Variants in S100A3 observed in about 807,000 individuals in gnomAD.
S100A3 encodes the protein protein S100-A3.
Under a neutral mutation model 8.0 loss-of-function variants are expected in S100A3, and 11 were observed. That is an observed-to-expected ratio of 1.37 (90% CI 0.86 to 2.27). The LOEUF (loss-of-function observed/expected upper bound fraction) is 2.27, where lower values mean the gene tolerates loss of function less well. Ranked by LOEUF, S100A3 falls within the 30% of genes most tolerant of loss-of-function variation. The probability of loss-of-function intolerance (pLI) is 0.00; values close to 1 mark genes in which losing one functional copy is unlikely to be tolerated. For missense variants in S100A3, 124 were observed against 127.1 expected (o/e 0.98, Z 0.12); for synonymous variants, 43 against 49.6 (o/e 0.87, Z 0.56).
Position 153,547,946 on chromosome 1 carries a change from C to T in S100A3, c.142-100G>A. 7.6e-7 allele frequency: 1 copy of T among 1,313,052 alleles called. No homozygotes were observed. Among genetic ancestry groups the T allele is most frequent in the Non-Finnish European group, 1.1e-6 (1 of 935,686 alleles). The allele number at this position is 1,313,052 out of a possible 1,614,324, so 81.3% of individuals were successfully genotyped here. On this transcript the variant is annotated intron_variant, in intron 2 of 2. Transcript: ENST00000368713. The surrounding 1 kb of genome is among the most constrained non-coding windows in gnomAD (Gnocchi z 4.0). ...TCCTTCCTCTCCCAAGTGGACCCAC[C>T]CCACCCCAAACTACACCCTTCTGAG...
chr1:153,547,549 T>A lies in S100A3; in HGVS notation c.*133A>T, dbSNP rs1665600034. The A allele has an allele frequency of 1.9e-6, 2 of 1,056,798 alleles. No homozygotes were observed. Among genetic ancestry groups the A allele is most frequent in the South Asian group, 1.7e-5 (1 of 60,202 alleles). 65.5% of individuals were successfully genotyped at this position (1,056,798 alleles called of 1,614,324 possible). On this transcript the variant is annotated 3_prime_UTR_variant, in exon 3 of 3. Transcript: ENST00000368713. This position sits in a 1 kb window ranked among gnomAD's most constrained non-coding sequence, Gnocchi z 4.0. ...GGAGCCCTCACATCTCTGGGCCTCC[T>A]AGGTAAAATGGGTTAACTGATCGCA...
Position 153,548,491 on chromosome 1 carries a change from C to T in S100A3, c.-5-1G>A, listed in dbSNP as rs1665639988. On this transcript the variant is annotated splice_acceptor_variant, in intron 1 of 2. Transcript: ENST00000368713. LOFTEE classifies it low-confidence loss of function (5UTR_SPLICE). Reference sequence around the variant, plus strand: ...TGCTCCAGAGGCCTGGCCATCCTCACTGTCACAGAACAAGGGTGTGGCTCA... The same window carrying T: ...TGCTCCAGAGGCCTGGCCATCCTCATTGTCACAGAACAAGGGTGTGGCTCA... 1 of 1,580,580 alleles carries T rather than the reference C, an allele frequency of 6.3e-7. No homozygotes were observed. Among genetic ancestry groups the T allele is most frequent in the Non-Finnish European group, 8.6e-7 (1 of 1,160,298 alleles).
At position 153,547,505 on chromosome 1, in the gene S100A3, C is replaced by G. The variant is rs73026350; in HGVS notation, c.*177G>C. On this transcript the variant is annotated 3_prime_UTR_variant, in exon 3 of 3. Coordinates refer to ENST00000368713, the MANE Select transcript of S100A3 (RefSeq NM_002960.2). This position sits in a 1 kb window ranked among gnomAD's most constrained non-coding sequence, Gnocchi z 4.0. ...CCCCAGAGTGGCTCTACCCCTCATT[C>G]GCTGGGCATCCTGAGGAAGGAGCCC... 55,971 of 711,658 alleles carry G rather than the reference C, an allele frequency of 0.079. 5,289 individuals are homozygous for G. Among genetic ancestry groups the G allele is most frequent in the African/African-American group, 0.38 (21,349 of 55,530 alleles). The allele number at this position is 711,658 out of a possible 1,614,324, so 44.1% of individuals were successfully genotyped here.
Position 153,547,411 on chromosome 1 carries a change from G to A in S100A3, c.*271C>T. 7.0e-6 allele frequency: 3 copies of A among 428,262 alleles called. No individual in the cohort carries two copies. The highest frequency in any genetic ancestry group is 1.3e-5 in the Non-Finnish European group (3 of 238,486). The allele number at this position is 428,262 out of a possible 1,614,324, so 26.5% of individuals were successfully genotyped here. On this transcript the variant is annotated 3_prime_UTR_variant, in exon 3 of 3. Transcript: ENST00000368713. The surrounding 1 kb of genome is among the most constrained non-coding windows in gnomAD (Gnocchi z 4.0). ...GGTGCACGCTCTGCTGAGCCTCGAG[G>A]GCCTCAGAGCAGATCCCGCCTCCTC...
chr1:153,548,277 C>A, intron 2 of S100A3, 68 bp downstream of exon 2: 1 of 1,595,126 alleles, frequency 6.3e-7, no homozygotes, highest in South Asian at 1.1e-5. Context: ...GTCCCCAGGT[C>A]TCTCTTTGCA....
chr1:153,548,343 AC>A lies in S100A3; in HGVS notation c.141+1del. Reference sequence around the variant, plus strand: ...GAGGGGACGGACACTCTGACTGCTCACCGGGGTCCAGGTGGCCAGCTCCTTC... The same window carrying A: ...GAGGGGACGGACACTCTGACTGCTCACGGGGTCCAGGTGGCCAGCTCCTTC... On this transcript the variant is annotated splice_donor_variant, in intron 2 of 2. Transcript: ENST00000368713. LOFTEE classifies it high-confidence loss of function. The A allele has an allele frequency of 6.2e-7, 1 of 1,613,536 alleles. No homozygotes were observed. Among genetic ancestry groups the A allele is most frequent in the Non-Finnish European group, 8.5e-7 (1 of 1,179,950 alleles).
At position 153,548,471 on chromosome 1, in the gene S100A3, C is replaced by CA. The variant is rs1461976736; in HGVS notation, c.14dup (p.Glu6GlyfsTer44). The CA allele has an allele frequency of 1.3e-6, 2 of 1,596,638 alleles. No homozygotes were observed. Among genetic ancestry groups the CA allele is most frequent in the Non-Finnish European group, 1.7e-6 (2 of 1,168,968 alleles). On this transcript the variant is annotated frameshift_variant, in exon 2 of 3. Coordinates refer to ENST00000368713, the MANE Select transcript of S100A3 (RefSeq NM_002960.2). LOFTEE classifies it high-confidence loss of function. ...ACACGATGGCAGCTACCGCCTGCTC[C>CA]AGAGGCCTGGCCATCCTCACTGTCA...
Position 153,547,390 on chromosome 1 carries a change from C to A in S100A3, c.*292G>T. ...CTTTCCCATCGTGGTCTCATTGGTG[C>A]ACGCTCTGCTGAGCCTCGAGGGCCT... On this transcript the variant is annotated 3_prime_UTR_variant, in exon 3 of 3. Transcript: ENST00000368713. This position sits in a 1 kb window ranked among gnomAD's most constrained non-coding sequence, Gnocchi z 4.0. The A allele has an allele frequency of 2.6e-6, 1 of 378,772 alleles. No individual in the cohort carries two copies. Among genetic ancestry groups the A allele is most frequent in the Non-Finnish European group, 4.8e-6 (1 of 209,332 alleles). The allele number at this position is 378,772 out of a possible 1,614,324, so 23.5% of individuals were successfully genotyped here.
At chr1:153,548,301 G>A in intron 2 of S100A3, 44 bp downstream of exon 2, 1 of 1,608,130 alleles carries the variant, frequency 6.2e-7, no homozygotes, top group Non-Finnish European at 8.5e-7. Context: ...TCTAGGCAGT[G>A]CCTCCCCCCG....
rs1665608008 is a variant in S100A3 at position 153,547,718 on chromosome 1, G to C, written c.270C>G (p.Phe90Leu). 13 of 1,614,060 alleles carry C rather than the reference G, an allele frequency of 8.1e-6. No homozygotes were observed. The highest frequency in any genetic ancestry group is 9.3e-6 in the Non-Finnish European group (11 of 1,179,956). ...ACLCLYCHEY[F>L]KDCPSEPPCS... ...AGGGGGGCTCTGAGGGGCAGTCCTT[G>C]AAGTACTCGTGGCAGTAGAGACAGA... The change falls in exon 3 of 3, where the codon TTC becomes TTG. Residue 90 changes from phenylalanine to leucine, a missense_variant. By Grantham distance (22) the Phe-to-Leu change is conservative. Coordinates refer to ENST00000368713, the MANE Select transcript of S100A3 (RefSeq NM_002960.2). The surrounding 1 kb of genome is among the most constrained non-coding windows in gnomAD (Gnocchi z 4.0).
chr1:153,548,302 C>T, intron 2 of S100A3, 43 bp downstream of exon 2: 1 of 1,610,032 alleles, frequency 6.2e-7, no homozygotes, highest in Non-Finnish European at 8.5e-7. Flanking sequence ...CTAGGCAGTG[C>T]CTCCCCCCGG....
chr1:153,547,771 CA>C lies in S100A3; in HGVS notation c.216del (p.Phe72LeufsTer81), dbSNP rs1317852630. 6.2e-7 allele frequency: 1 copy of C among 1,614,046 alleles called. No individual in the cohort carries two copies. On this transcript the variant is annotated frameshift_variant, in exon 3 of 3. Coordinates refer to ENST00000368713, the MANE Select transcript of S100A3 (RefSeq NM_002960.2). LOFTEE classifies it high-confidence loss of function. The surrounding 1 kb of genome is among the most constrained non-coding windows in gnomAD (Gnocchi z 4.0). ...LDTNKDCEVD[F>X]VEYVRSLACL... ...CAGGCAAGTGAGCGCACATACTCCA[CA>C]AAGTCCACCTCGCAGTCCTTGTTGG...
chr1:153,548,845 A>G (rs59376279), intron 1 of S100A3, among the ~76,000 whole-genome samples: 21,729 of 152,146 alleles, frequency 0.14, 3,059 homozygotes, highest in African/African-American at 0.37. Context: ...ACACCCAGGG[A>G]TGGCTCGGTC....
chr1:153,547,604 G>T lies in S100A3; in HGVS notation c.*78C>A. The T allele has an allele frequency of 6.7e-7, 1 of 1,497,256 alleles. No homozygotes were observed. The highest frequency in any genetic ancestry group is 1.2e-5 in the South Asian group (1 of 82,594). 92.7% of individuals were successfully genotyped at this position (1,497,256 alleles called of 1,614,324 possible). A position where few individuals can be genotyped will look rare whatever the true frequency, so the allele number is the denominator to read the frequency against. Reference sequence around the variant, plus strand: ...ACCTGGGCAAGTCCAGATTGAAAGGGGTACAGGAGAGAGGGTAGGAGGGGG... The same window carrying T: ...ACCTGGGCAAGTCCAGATTGAAAGGTGTACAGGAGAGAGGGTAGGAGGGGG... On this transcript the variant is annotated 3_prime_UTR_variant, in exon 3 of 3. Coordinates refer to ENST00000368713, the MANE Select transcript of S100A3 (RefSeq NM_002960.2). This position sits in a 1 kb window ranked among gnomAD's most constrained non-coding sequence, Gnocchi z 4.0.
At chr1:153,548,541 C>A in intron 1 of S100A3, 51 bp from the exon 2 acceptor site, 1 of 1,530,748 alleles carries the variant, frequency 6.5e-7, no homozygotes, top group South Asian at 1.3e-5. Context: ...GCCAGCCCCC[C>A]AGCTCACCTC....
chr1:153,547,673 G>T lies in S100A3; in HGVS notation c.*9C>A, dbSNP rs1665605507. 5 of 1,613,026 alleles carry T rather than the reference G, an allele frequency of 3.1e-6. No homozygotes were observed. The highest frequency in any genetic ancestry group is 4.2e-6 in the Non-Finnish European group (5 of 1,179,374). ...CCCCCGACAGCCAGCGCACCCCCTG[G>T]AGCAGAGGCTACTGGGAGCAGGGGG... On this transcript the variant is annotated 3_prime_UTR_variant, in exon 3 of 3. Transcript: ENST00000368713. The surrounding 1 kb of genome is among the most constrained non-coding windows in gnomAD (Gnocchi z 4.0).
chr1:153,548,536 C>T (rs1324758511), intron 1 of S100A3, 46 bp from the exon 2 acceptor site: 10 of 1,531,618 alleles, frequency 6.5e-6, no homozygotes, highest in Middle Eastern at 1.8e-4. Flanking sequence ...TCCAGGCCAG[C>T]CCCCCAGCTC....
In S100A3 at chr1:153,547,963, C is replaced by T. The variant is rs1665624443; in HGVS notation, c.142-117G>A. ...GGACCCACCCCACCCCAAACTACACCCTTCTGAGGGCCGACTTCAACCTCC... is the reference window on the plus strand; with the variant it reads ...GGACCCACCCCACCCCAAACTACACTCTTCTGAGGGCCGACTTCAACCTCC... On this transcript the variant is annotated intron_variant, in intron 2 of 2. Coordinates refer to ENST00000368713, the MANE Select transcript of S100A3 (RefSeq NM_002960.2). The surrounding 1 kb of genome is among the most constrained non-coding windows in gnomAD (Gnocchi z 4.0). 3.6e-6 allele frequency: 4 copies of T among 1,109,414 alleles called. No individual in the cohort carries two copies. The Admixed American group carries it at 8.6e-5, about 24-fold the overall frequency. 68.7% of individuals were successfully genotyped at this position (1,109,414 alleles called of 1,614,324 possible). A position where few individuals can be genotyped will look rare whatever the true frequency, so the allele number is the denominator to read the frequency against.
rs111637694 is a variant in S100A3 at position 153,547,446 on chromosome 1, A to G, written c.*236T>C. ...CAGATCCCGCCTCCTCCCATCCACA[A>G]GGGAGGCCACAGGGGTGCGGCAGGC... On this transcript the variant is annotated 3_prime_UTR_variant, in exon 3 of 3. Coordinates refer to ENST00000368713, the MANE Select transcript of S100A3 (RefSeq NM_002960.2). The surrounding 1 kb of genome is among the most constrained non-coding windows in gnomAD (Gnocchi z 4.0). 449 of 514,084 alleles carry G rather than the reference A, an allele frequency of 8.7e-4. No individual in the cohort carries two copies. The highest frequency in any genetic ancestry group is 7.4e-3 in the African/African-American group (390 of 52,512). The allele number at this position is 514,084 out of a possible 1,614,324, so 31.8% of individuals were successfully genotyped here. A position where few individuals can be genotyped will look rare whatever the true frequency, so the allele number is the denominator to read the frequency against.
Sources: allele counts gnomAD v4.1 joint callset (sites outside exome capture counted in the v4.1 genomes callset), GRCh38; gene constraint gnomAD v4.1.1; non-coding constraint Gnocchi (gnomAD v3.1); transcripts MANE v1.5; gene names NCBI Gene and HGNC (gene_info 2026-07-23, HGNC 2026-07-21).